The following ENPP3 variants were observed in gnomAD, a reference collection of about 807,000 sequenced individuals.
The protein encoded by ENPP3 is ectonucleotide pyrophosphatase/phosphodiesterase 3.
In ENPP3, 104 loss-of-function variants were observed where a neutral mutation model predicts 117.8. The ratio of observed to expected loss-of-function variants is 0.88; its 90% CI spans 0.75 to 1.04. ENPP3 has a LOEUF of 1.04. Among genes scored for constraint, ENPP3 ranks in the 50% least tolerant of loss-of-function variants. The pLI is 0.00. For synonymous variants in ENPP3, 380 were observed against 349.9 expected, an observed-to-expected ratio of 1.09 and a Z score of -0.96; for missense variants, 1,026 against 1,051.9, an observed-to-expected ratio of 0.98 and a Z score of 0.34.
At chr6:131,697,483 A>G (rs146637657) in intron 15 of ENPP3, among the ~76,000 whole-genome samples, 5 of 152,062 alleles carry the variant, frequency 3.3e-5, no homozygotes, top group Middle Eastern at 3.4e-3. Flanking sequence ...TTTATTGTGC[A>G]CTTTATTTCA....
At chr6:131,678,248 T>C (rs1344444363) in intron 11 of ENPP3, among the ~76,000 whole-genome samples, 3 of 152,222 alleles carry the variant, frequency 2.0e-5, no homozygotes, top group Admixed American at 6.5e-5. Context: ...GGCTAGATAC[T>C]ATACAAGCCA....
intron 21 of ENPP3, 37 bp from the exon 22 acceptor site, chr6:131,737,318 T>A (rs764039454): frequency 1.5e-6 from 2 of 1,327,420 alleles, no homozygotes; most frequent in Admixed American, 3.6e-5. Flanking sequence ...ATATTTTCTC[T>A]TATAGCTAGA....
intron 14 of ENPP3, among the ~76,000 whole-genome samples, chr6:131,688,850 G>A (rs1363672289): frequency 2.2e-5 from 3 of 134,172 alleles, no homozygotes; most frequent in Admixed American, 8.8e-5. Flanking sequence ...TCAGGAGATC[G>A]AAACCAGCCT....
chr6:131,741,506 A>T (rs1420021573), intron 24 of ENPP3, among the ~76,000 whole-genome samples: 1 of 152,240 alleles, frequency 6.6e-6, no homozygotes, highest in Admixed American at 6.5e-5. Flanking sequence ...TAAAGATTTC[A>T]TAAAATAAGG....
At position 131,722,216 on chromosome 6, in the gene ENPP3, TCAAAAAACAGA is replaced by T; in HGVS notation, c.1568-10_1568del. The T allele has an allele frequency of 6.2e-7, 1 of 1,603,908 alleles. No homozygotes were observed. Among genetic ancestry groups the T allele is most frequent in the Non-Finnish European group, 8.5e-7 (1 of 1,175,912 alleles). On this transcript the variant is annotated splice_acceptor_variant and splice_polypyrimidine_tract_variant and coding_sequence_variant and intron_variant, in exon 18 of 25. Transcript: ENST00000357639. LOFTEE classifies it high-confidence loss of function. ...GTAAAGCTACTTTGAACTAATTTTT[TCAAAAAACAGA>T]TCTTCTACGCATTCAACCAGCACCA...
At position 131,641,478 on chromosome 6, in the gene ENPP3, C is replaced by A; in HGVS notation, c.102C>A (p.Ile34=). The A allele has an allele frequency of 6.2e-7, 1 of 1,611,612 alleles. No individual in the cohort carries two copies. Among genetic ancestry groups the A allele is most frequent in the South Asian group, 1.1e-5 (1 of 90,830 alleles). The part of the protein sequence containing the change: ...ACIVLLALLV[I]MSLGLGLGLG... ...AGGTTCTTCTTGCTTTGCTGGTGAT[C>A]ATGTCACTTGGATTAGGCCTGGGGC... is the stretch of plus-strand genomic sequence containing the variant. The change falls in exon 2 of 25, where the codon ATC becomes ATA. Residue 34 remains isoleucine (I), a synonymous_variant. Transcript: ENST00000357639.
chr6:131,662,442 A>G (rs1460172714), intron 6 of ENPP3, among the ~76,000 whole-genome samples: 1 of 152,080 alleles, frequency 6.6e-6, no homozygotes, highest in East Asian at 1.9e-4. Context: ...GCATTTTGCC[A>G]TGTTGTCCAG....
intron 15 of ENPP3, chr6:131,700,531 G>A: frequency 1.5e-6 from 2 of 1,362,552 alleles, no homozygotes; most frequent in South Asian, 1.3e-5. Flanking sequence ...GAGTTCCTAA[G>A]ACTACAGATA....
At chr6:131,670,414 C>T (rs1229136785) in intron 6 of ENPP3, among the ~76,000 whole-genome samples, 1 of 152,214 alleles carries the variant, frequency 6.6e-6, no homozygotes, top group East Asian at 1.9e-4. Flanking sequence ...TAGGCCAAAA[C>T]TGGTTCACTC....
intron 20 of ENPP3, 43 bp downstream of exon 20, chr6:131,726,243 T>C (rs1323879129): frequency 1.3e-6 from 2 of 1,556,644 alleles, no homozygotes; most frequent in African/African-American, 2.7e-5. Context: ...AAGAAATATT[T>C]ATAATCCTTT....
At chr6:131,692,853 G>GATAT (rs2114449819) in intron 14 of ENPP3, among the ~76,000 whole-genome samples, 1 of 103,678 alleles carries the variant, frequency 9.6e-6, no homozygotes, top group African/African-American at 4.5e-5. Context: ...TGATATATAT[G>GATAT]ATATGTGATA....
Position 131,677,895 on chromosome 6 carries a change from A to C in ENPP3, c.966A>C (p.Glu322Asp). Residue 322 changes from glutamate (E) to aspartate (D), a missense_variant, in exon 11 of 25, where the codon GAA (glutamate) becomes GAC (aspartate). Glu to Asp is a conservative substitution (Grantham distance 45). Coordinates refer to ENST00000357639, the MANE Select transcript of ENPP3 (RefSeq NM_005021.5). ...CCAGGTTTTATACCATGTATTTTGA[A>C]GAACCTGATTCCTCTGGACATGCAG... ...ERPRFYTMYF[E>D]EPDSSGHAGG... 6.2e-7 allele frequency: 1 copy of C among 1,611,666 alleles called. No homozygotes were observed. Among genetic ancestry groups the C allele is most frequent in the Non-Finnish European group, 8.5e-7 (1 of 1,177,900 alleles).
At chr6:131,667,387 G>T (rs1417264455) in intron 6 of ENPP3, among the ~76,000 whole-genome samples, 1 of 152,124 alleles carries the variant, frequency 6.6e-6, no homozygotes, top group African/African-American at 2.4e-5. Context: ...GGGAGTTGGG[G>T]TTATTGCCTG....
intron 20 of ENPP3, among the ~76,000 whole-genome samples, chr6:131,727,717 C>T (rs1353684876): frequency 6.6e-6 from 1 of 152,080 alleles, no homozygotes; most frequent in Non-Finnish European, 1.5e-5. Context: ...AATGAATTAA[C>T]CACAATCATT....
intron 23 of ENPP3, among the ~76,000 whole-genome samples, chr6:131,738,797 A>G (rs758701281): frequency 8.5e-5 from 13 of 152,156 alleles, no homozygotes; most frequent in Non-Finnish European, 4.4e-5. Flanking sequence ...TGAAGGACCA[A>G]ACTAAACAAT....
At chr6:131,640,740 C>T (rs1031356962) in intron 1 of ENPP3, among the ~76,000 whole-genome samples, 2 of 152,122 alleles carry the variant, frequency 1.3e-5, no homozygotes, top group Non-Finnish European at 2.9e-5. Flanking sequence ...ATCCAGCATG[C>T]TTATCTCTGG....
chr6:131,710,922 T>G, intron 15 of ENPP3: 1 of 1,593,886 alleles, frequency 6.3e-7, no homozygotes, highest in South Asian at 1.1e-5. Flanking sequence ...GATTCTCATC[T>G]GGTCTCATAC....
intron 24 of ENPP3, among the ~76,000 whole-genome samples, chr6:131,743,577 C>A (rs971791840): frequency 6.6e-6 from 1 of 152,090 alleles, no homozygotes; most frequent in Non-Finnish European, 1.5e-5. Context: ...CACCTGTAAT[C>A]ACAGCACTTT....
intron 17 of ENPP3, among the ~76,000 whole-genome samples, chr6:131,721,912 A>G (rs1780041216): frequency 2.0e-5 from 3 of 152,116 alleles, no homozygotes; most frequent in Admixed American, 2.0e-4. Flanking sequence ...GTTTCAAGAG[A>G]TGGAGTTTCA....
Sources: allele counts gnomAD v4.1 joint callset (sites outside exome capture counted in the v4.1 genomes callset), GRCh38; gene constraint gnomAD v4.1.1; transcripts MANE v1.5; gene names NCBI Gene and HGNC (gene_info 2026-07-23, HGNC 2026-07-21).